Variants in WDR41 observed in about 807,000 individuals in gnomAD.
The protein encoded by WDR41 is WD repeat-containing protein 41.
A neutral mutation model predicts 69.3 loss-of-function variants in WDR41; 63 were observed. The ratio of observed to expected loss-of-function variants is 0.91; its 90% CI spans 0.74 to 1.12. WDR41 has a LOEUF of 1.12. WDR41 is among the 50% of genes most tolerant of loss of function. WDR41 has a pLI of 0.00. For synonymous variants in WDR41, 185 were observed against 192.1 expected, an observed-to-expected ratio of 0.96 and a Z score of 0.31; for missense variants, 543 against 534.5, an observed-to-expected ratio of 1.02 and a Z score of -0.16.
At chr5:77,550,498 C>T (rs1022578384) in intron 1 of WDR41, among the ~76,000 whole-genome samples, 1 of 152,010 alleles carries the variant, frequency 6.6e-6, no homozygotes, top group Non-Finnish European at 1.5e-5. Flanking sequence ...TGGGAAAATG[C>T]TCAACAGAGA....
intron 1 of WDR41, among the ~76,000 whole-genome samples, chr5:77,515,434 C>A (rs1409143723): frequency 6.6e-6 from 1 of 152,118 alleles, no homozygotes; most frequent in Non-Finnish European, 1.5e-5. Context: ...GACAACAATG[C>A]CTTTCCCTGG....
At chr5:77,441,120 G>T in intron 8 of WDR41, 123 bp from the exon 9 acceptor site, 1 of 958,478 alleles carries the variant, frequency 1.0e-6, no homozygotes, top group Non-Finnish European at 1.4e-6. Context: ...AGGTACCTAG[G>T]CAAGCCAACA....
intron 1 of WDR41, among the ~76,000 whole-genome samples, chr5:77,518,070 T>A (rs1802317830): frequency 6.6e-6 from 1 of 152,182 alleles, no homozygotes; most frequent in Non-Finnish European, 1.5e-5. Context: ...TCTCATATGC[T>A]ACCTCCCTGA....
chr5:77,509,097 G>A (rs1802157983), intron 1 of WDR41, among the ~76,000 whole-genome samples: 1 of 152,138 alleles, frequency 6.6e-6, no homozygotes, highest in South Asian at 2.1e-4. Context: ...CCCTCTCTCT[G>A]GGTGAACTAG....
upstream of WDR41, among the ~76,000 whole-genome samples, chr5:77,493,607 G>C (rs1801890269): frequency 6.6e-6 from 1 of 152,172 alleles, no homozygotes. Flanking sequence ...AGGATCAGGA[G>C]CATGTTGCCT....
intron 1 of WDR41, among the ~76,000 whole-genome samples, chr5:77,528,816 C>T (rs928645221): frequency 6.6e-6 from 1 of 151,530 alleles, no homozygotes; most frequent in Non-Finnish European, 1.5e-5. Context: ...AATTACCTGA[C>T]AAAATTCGAT....
chr5:77,604,781 T>C (rs1744386221), intron 1 of WDR41, among the ~76,000 whole-genome samples: 1 of 152,118 alleles, frequency 6.6e-6, no homozygotes, highest in Non-Finnish European at 1.5e-5. Context: ...ATTGCATCCA[T>C]ACATGAAATA....
chr5:77,606,514 A>G (rs1744422489), intron 1 of WDR41, among the ~76,000 whole-genome samples: 1 of 152,188 alleles, frequency 6.6e-6, no homozygotes. Flanking sequence ...GCTGAGCTAG[A>G]TAAATGTAAT....
intron 2 of WDR41, among the ~76,000 whole-genome samples, chr5:77,487,435 G>A (rs1301823564): frequency 6.6e-6 from 1 of 152,158 alleles, no homozygotes; most frequent in African/African-American, 2.4e-5. Context: ...CCAAAAAAAA[G>A]GCTGCAGATG....
intron 1 of WDR41, among the ~76,000 whole-genome samples, chr5:77,599,391 G>C (rs4235704): frequency 0.7 from 106,162 of 151,550 alleles, 37,352 homozygotes; most frequent in Admixed American, 0.78. Context: ...GTAGAGACGG[G>C]GTTTCACCAT....
chr5:77,456,776 A>C (rs1407356962), intron 5 of WDR41, among the ~76,000 whole-genome samples: 1 of 152,088 alleles, frequency 6.6e-6, no homozygotes, highest in Non-Finnish European at 1.5e-5. Flanking sequence ...ATTACAACTC[A>C]CTGCAGCCTC....
intron 12 of WDR41, among the ~76,000 whole-genome samples, chr5:77,435,552 C>G (rs1418996203): frequency 1.3e-5 from 2 of 152,160 alleles, no homozygotes; most frequent in African/African-American, 2.4e-5. Flanking sequence ...CATGAATGCC[C>G]TTTCAAATGA....
At chr5:77,522,677 G>T (rs559449335) in intron 1 of WDR41, among the ~76,000 whole-genome samples, 77 of 151,996 alleles carry the variant, frequency 5.1e-4, no homozygotes, top group African/African-American at 1.8e-3. Context: ...AACCATCCAA[G>T]AAATAGTAAG....
chr5:77,444,391 G>A (rs1441839436), intron 8 of WDR41, among the ~76,000 whole-genome samples: 1 of 152,124 alleles, frequency 6.6e-6, no homozygotes, highest in Non-Finnish European at 1.5e-5. Flanking sequence ...AAAAGATGCT[G>A]GCAACATAAT....
intron 2 of WDR41, among the ~76,000 whole-genome samples, chr5:77,484,355 A>C (rs113079196): frequency 1.4e-3 from 218 of 152,326 alleles, no homozygotes; most frequent in African/African-American, 5.0e-3. Flanking sequence ...ACGATGCAAA[A>C]CAACAGAAAT....
chr5:77,503,590 A>T (rs1000950043), intron 1 of WDR41, among the ~76,000 whole-genome samples: 5 of 152,202 alleles, frequency 3.3e-5, no homozygotes, highest in African/African-American at 9.7e-5. Context: ...TCAGCACCAC[A>T]TCACACTTAT....
At chr5:77,599,087 A>G (rs1019279692) in intron 1 of WDR41, among the ~76,000 whole-genome samples, 4 of 151,030 alleles carry the variant, frequency 2.6e-5, no homozygotes, top group African/African-American at 7.3e-5. Context: ...AACCAGTTGC[A>G]TATGTTCCTT....
At chr5:77,518,794 T>C (rs557939391) in intron 1 of WDR41, among the ~76,000 whole-genome samples, 1 of 152,124 alleles carries the variant, frequency 6.6e-6, no homozygotes, top group African/African-American at 2.4e-5. Context: ...TCAAGGATAC[T>C]ACTTTCAGAA....
intron 1 of WDR41, among the ~76,000 whole-genome samples, chr5:77,583,575 G>A (rs942894679): frequency 2.0e-5 from 3 of 150,990 alleles, no homozygotes; most frequent in African/African-American, 7.3e-5. Flanking sequence ...ATATTATATA[G>A]GTACCCCATA....
Sources: gnomAD v4.1 joint callset for allele counts (sites outside exome capture counted in the v4.1 genomes callset) on GRCh38, gnomAD v4.1.1 for gene constraint, MANE v1.5 for transcripts, NCBI Gene and HGNC (gene_info 2026-07-23, HGNC 2026-07-21) for gene names.